Variants in HDAC9 observed in about 807,000 individuals in gnomAD.
The protein encoded by HDAC9 is MEF-2 interacting transcription repressor (MITR) protein.
In HDAC9, 41 loss-of-function variants were observed where a neutral mutation model predicts 139.4. The ratio of observed to expected loss-of-function variants is 0.29; its 90% CI spans 0.23 to 0.38. The LOEUF is 0.38. Among genes scored for constraint, HDAC9 ranks in the 10% least tolerant of loss-of-function variants. HDAC9 has a pLI of 1.00. For synonymous variants in HDAC9, 517 were observed against 476.2 expected, an observed-to-expected ratio of 1.09 and a Z score of -1.12; for missense variants, 1,147 against 1,297.0, an observed-to-expected ratio of 0.88 and a Z score of 1.78.
chr7:18,155,476 T>C (rs1190888701), intron 1 of HDAC9, among the ~76,000 whole-genome samples: 2 of 152,188 alleles, frequency 1.3e-5, no homozygotes, highest in Non-Finnish European at 2.9e-5. Flanking sequence ...TTCCTGATTA[T>C]GTTATGTATT....
rs1447992137 is a variant in HDAC9 at position 18,310,825 on chromosome 7, C to T, written c.-42+20310C>T. Among the ~76,000 whole-genome samples, 3 of 151,324 alleles carry T rather than the reference C, an allele frequency of 2.0e-5. No individual in the cohort carries two copies. The East Asian group carries it at 5.8e-4, about 29-fold the overall frequency. ...CAAATCCATTACACACACACACACA[C>T]ACACACACACACACACACACACACT... On this transcript the variant is annotated intron_variant, in intron 1 of 3. Transcript: ENST00000413509.
chr7:18,887,524 A>G (rs1039886499), intron 22 of HDAC9, among the ~76,000 whole-genome samples: 4 of 152,206 alleles, frequency 2.6e-5, no homozygotes, highest in African/African-American at 4.8e-5. Context: ...TAGGGCCATT[A>G]TGAGAATCAA....
At chr7:18,825,119 G>C (rs1398983004) in intron 17 of HDAC9, among the ~76,000 whole-genome samples, 1 of 152,186 alleles carries the variant, frequency 6.6e-6, no homozygotes, top group African/African-American at 2.4e-5. Context: ...ATATCCAAGT[G>C]ATATTGAGTA....
At position 18,429,752 on chromosome 7, in the gene HDAC9, C is replaced by T. The variant is rs572954340; in HGVS notation, c.-41-66510C>T. ...GCAGAAATTCAAAATTTCTTTGAAACGAATCATCGAATTCCTATGCTATTT... is the reference window on the plus strand; with the variant it reads ...GCAGAAATTCAAAATTTCTTTGAAATGAATCATCGAATTCCTATGCTATTT... On this transcript the variant is annotated intron_variant, in intron 1 of 3. Coordinates refer to the HDAC9 transcript ENST00000413509. Among the ~76,000 whole-genome samples, 10 of 152,148 alleles carry T rather than the reference C, an allele frequency of 6.6e-5. No homozygotes were observed. In the South Asian group the frequency reaches 1.0e-3, roughly 16 times the overall value.
intron 1 of HDAC9, among the ~76,000 whole-genome samples, chr7:18,480,080 T>C (rs867790752): frequency 1.3e-5 from 2 of 151,964 alleles, no homozygotes; most frequent in Non-Finnish European, 2.9e-5. Flanking sequence ...CAACGAACTT[T>C]TTAGAATTTT....
At chr7:18,665,525 A>G (rs1459826241) in intron 11 of HDAC9, among the ~76,000 whole-genome samples, 2 of 152,180 alleles carry the variant, frequency 1.3e-5, no homozygotes, top group Non-Finnish European at 2.9e-5. Flanking sequence ...TGTCTAAATA[A>G]TGATTTCCAA....
At chr7:18,338,002 GA>G (rs1436028932) in intron 1 of HDAC9, among the ~76,000 whole-genome samples, 1 of 151,660 alleles carries the variant, frequency 6.6e-6, no homozygotes. Flanking sequence ...AAAATGCTTT[GA>G]AAAGTATAGA....
chr7:18,398,985 T>C (rs1283932262), intron 1 of HDAC9, among the ~76,000 whole-genome samples: 2 of 152,148 alleles, frequency 1.3e-5, no homozygotes, highest in Admixed American at 1.3e-4. Context: ...ACATATTTTA[T>C]GATGATTTGA....
chr7:18,922,593 C>T (rs1393577471), intron 22 of HDAC9, among the ~76,000 whole-genome samples: 2 of 152,028 alleles, frequency 1.3e-5, no homozygotes, highest in East Asian at 1.9e-4. Flanking sequence ...AACAAACACC[C>T]AGGAGATTCT....
chr7:18,774,490 T>A (rs567739842), intron 16 of HDAC9, among the ~76,000 whole-genome samples: 1 of 152,082 alleles, frequency 6.6e-6, no homozygotes. Context: ...TGTTTCTCAG[T>A]GTATACTAAA....
chr7:18,493,623 A>G (rs1039135919), upstream of HDAC9, among the ~76,000 whole-genome samples: 2 of 151,986 alleles, frequency 1.3e-5, no homozygotes, highest in African/African-American at 4.8e-5. Context: ...AATGGTAACT[A>G]GCTGAGATGA....
chr7:18,967,932 G>A (rs754203107), intron 24 of HDAC9, among the ~76,000 whole-genome samples: 3 of 152,316 alleles, frequency 2.0e-5, no homozygotes, highest in Non-Finnish European at 4.4e-5. Flanking sequence ...GGAGGCCGAG[G>A]CGGGCGGATC....
intron 1 of HDAC9, among the ~76,000 whole-genome samples, chr7:18,342,546 G>C (rs1782096189): frequency 6.6e-6 from 1 of 151,770 alleles, no homozygotes; most frequent in South Asian, 2.1e-4. Flanking sequence ...TATATTACAA[G>C]AAAAATGTTT....
chr7:18,332,074 G>C (rs891404719), intron 1 of HDAC9, among the ~76,000 whole-genome samples: 28 of 151,754 alleles, frequency 1.8e-4, no homozygotes, highest in South Asian at 1.2e-3. Context: ...GTTTAAATTT[G>C]CTTAAAACAG....
chr7:18,944,817 T>G (rs1266170234), intron 23 of HDAC9, among the ~76,000 whole-genome samples: 1 of 152,180 alleles, frequency 6.6e-6, no homozygotes, highest in Non-Finnish European at 1.5e-5. Context: ...TAATTCTTAC[T>G]CATTTTGCTT....
chr7:18,988,756 G>T (rs1393061311), intron 25 of HDAC9, among the ~76,000 whole-genome samples: 1 of 151,554 alleles, frequency 6.6e-6, no homozygotes, highest in African/African-American at 2.4e-5. Flanking sequence ...CCTGTATTGG[G>T]TGCATATATA....
chr7:18,512,017 CAAA>C (rs11337572), intron 2 of HDAC9, among the ~76,000 whole-genome samples: 27 of 96,534 alleles, frequency 2.8e-4, no homozygotes, highest in African/African-American at 3.8e-4. Flanking sequence ...ATGAATTAAG[CAAA>C]AAAAAAAAAA....
chr7:18,713,508 T>C (rs1784491408), intron 12 of HDAC9, among the ~76,000 whole-genome samples: 1 of 152,172 alleles, frequency 6.6e-6, no homozygotes, highest in Non-Finnish European at 1.5e-5. Context: ...TTTAACACCA[T>C]GAATATATAC....
chr7:18,497,814 T>C (rs2128143528), intron 2 of HDAC9, among the ~76,000 whole-genome samples: 1 of 152,306 alleles, frequency 6.6e-6, no homozygotes, highest in Middle Eastern at 3.4e-3. Context: ...ACAAGTTTGA[T>C]ATTTTTTTTC....
Sources: gnomAD v4.1 joint callset for allele counts (sites outside exome capture counted in the v4.1 genomes callset) on GRCh38, gnomAD v4.1.1 for gene constraint, MANE v1.5 for transcripts, NCBI Gene and HGNC (gene_info 2026-07-23, HGNC 2026-07-21) for gene names.